Variants in MYH9 observed in about 807,000 individuals in gnomAD.
MYH9 encodes myosin heavy chain 9, also known as myosin-9.
MYH9 carries 29 observed loss-of-function variants against 241.9 expected under a neutral mutation model. The ratio of observed to expected loss-of-function variants is 0.12; its 90% confidence interval spans 0.09 to 0.16. The LOEUF (loss-of-function observed/expected upper bound fraction) is 0.16, where lower values mean the gene tolerates loss of function less well. Ranked by LOEUF, MYH9 falls within the 10% of genes least tolerant of loss-of-function variation. The pLI, the probability that MYH9 is intolerant of heterozygous loss-of-function variation, is 1.00. For synonymous variants in MYH9, 1,047 were observed against 1,062.6 expected, an observed-to-expected ratio of 0.99 and a Z score of 0.29; for missense variants, 1,803 against 2,595.5, an observed-to-expected ratio of 0.69 and a Z score of 6.63.
At chr22:36,359,850 C>T (rs2017910168) in intron 1 of MYH9, among the ~76,000 whole-genome samples, 1 of 152,166 alleles carries the variant, frequency 6.6e-6, no homozygotes, top group Non-Finnish European at 1.5e-5. Context: ...GTGGAAAAAC[C>T]ACAGCCATGT....
intron 1 of MYH9, among the ~76,000 whole-genome samples, chr22:36,353,224 A>G (rs938997104): frequency 2.6e-5 from 4 of 152,042 alleles, no homozygotes; most frequent in African/African-American, 9.7e-5. Context: ...CTCATTTATG[A>G]ATGGGGGATA....
In MYH9 at chr22:36,306,771, T is replaced by G. The variant is rs1045536182; in HGVS notation, c.1844-164A>C. On this transcript the variant is annotated intron_variant, in intron 15 of 40. Coordinates refer to ENST00000216181, the MANE Select transcript of MYH9 (RefSeq NM_002473.6). This position sits in a 1 kb window ranked among gnomAD's most constrained non-coding sequence, Gnocchi z 4.1. Reference sequence around the variant, plus strand: ...GAGCCTACACTGGGTGCTAAGGTCATCCCCAAACACAGCGGGAAGCCAAGG... The same window carrying G: ...GAGCCTACACTGGGTGCTAAGGTCAGCCCCAAACACAGCGGGAAGCCAAGG... 2.0e-5 allele frequency among the ~76,000 whole-genome samples: 3 copies of G among 152,044 alleles called. No individual in the cohort carries two copies. Among genetic ancestry groups the G allele is most frequent in the Non-Finnish European group, 4.4e-5 (3 of 68,000 alleles).
At chr22:36,331,738 G>A (rs1201622896) in intron 3 of MYH9, among the ~76,000 whole-genome samples, 6 of 152,192 alleles carry the variant, frequency 3.9e-5, no homozygotes, top group East Asian at 1.9e-4. Flanking sequence ...CACACCTCCC[G>A]AGGTTCCAGC....
intron 1 of MYH9, among the ~76,000 whole-genome samples, chr22:36,384,304 C>T (rs1307319233): frequency 6.0e-5 from 9 of 148,856 alleles, no homozygotes; most frequent in Non-Finnish European, 1.0e-4. Context: ...ATATATGAGC[C>T]GGGCACGGTG....
Position 36,288,239 on chromosome 22 carries a change from C to T in MYH9, c.4932+13G>A, listed in dbSNP as rs373453112. On this transcript the variant is annotated intron_variant, in intron 34 of 40. Transcript: ENST00000216181. This position sits in a 1 kb window ranked among gnomAD's most constrained non-coding sequence, Gnocchi z 4.8. ...GTGCCGCCCACCCTCACCTGGGCCC[C>T]GCCCACCCTTACCTGCAGCTTCCGC... 2.4e-5 allele frequency: 38 copies of T among 1,613,456 alleles called. No homozygotes were observed. The Middle Eastern group carries it at 5.0e-4, about 21-fold the overall frequency.
intron 5 of MYH9, among the ~76,000 whole-genome samples, chr22:36,323,675 G>A (rs1016712069): frequency 8.5e-5 from 13 of 152,096 alleles, no homozygotes; most frequent in African/African-American, 1.4e-4. Context: ...GAGTCTAGCC[G>A]AGCCAGATTG....
chr22:36,384,809 G>A (rs1363318835), intron 1 of MYH9, among the ~76,000 whole-genome samples: 6 of 151,428 alleles, frequency 4.0e-5, no homozygotes. Context: ...TAAGTAGCAT[G>A]GTCAGGATTT....
intron 1 of MYH9, among the ~76,000 whole-genome samples, chr22:36,386,268 C>A (rs1887394069): frequency 6.6e-6 from 1 of 152,214 alleles, no homozygotes; most frequent in South Asian, 2.1e-4. Context: ...CTCCCACCCC[C>A]CCACCACCTG....
At chr22:36,316,765 C>A (rs1557536) in intron 11 of MYH9, 96 bp from the exon 12 acceptor site, 9 of 1,446,074 alleles carry the variant, frequency 6.2e-6, no homozygotes, top group South Asian at 3.5e-5. Flanking sequence ...GAGTCCTCCC[C>A]CTAGAGGAAC....
chr22:36,323,517 C>G (rs1362714623), intron 5 of MYH9, among the ~76,000 whole-genome samples: 1 of 152,162 alleles, frequency 6.6e-6, no homozygotes. Flanking sequence ...TGGAGGCAAG[C>G]CAGGGTTTTC....
chr22:36,297,536 C>G (rs2016807610), intron 24 of MYH9, among the ~76,000 whole-genome samples: 1 of 152,216 alleles, frequency 6.6e-6, no homozygotes, highest in Non-Finnish European at 1.5e-5. Flanking sequence ...GAGTTACTAT[C>G]TTAAAAAGCA....
intron 1 of MYH9, among the ~76,000 whole-genome samples, chr22:36,376,930 G>T (rs1180189727): frequency 6.6e-6 from 1 of 152,138 alleles, no homozygotes; most frequent in East Asian, 1.9e-4. Context: ...GGGTGTGGTG[G>T]TGCACACCTG....
intron 3 of MYH9, 135 bp from the exon 4 acceptor site, chr22:36,327,623 A>G: frequency 9.8e-7 from 1 of 1,019,996 alleles, no homozygotes; most frequent in Non-Finnish European, 1.5e-6. Flanking sequence ...CTCGCAGTCT[A>G]CCCTCACACC....
At chr22:36,299,166 T>C in intron 23 of MYH9, 124 bp from the exon 24 acceptor site, 2 of 1,304,740 alleles carry the variant, frequency 1.5e-6, no homozygotes, top group Non-Finnish European at 2.2e-6. Context: ...CTTGATCAAG[T>C]TCATTAGGAT....
At position 36,295,200 on chromosome 22, in the gene MYH9, C is replaced by G; in HGVS notation, c.3486-124G>C. On this transcript the variant is annotated intron_variant, in intron 26 of 40. Coordinates refer to ENST00000216181, the MANE Select transcript of MYH9 (RefSeq NM_002473.6). This position sits in a 1 kb window ranked among gnomAD's most constrained non-coding sequence, Gnocchi z 4.1. ...AGGCACTCCAGGCAGCTTTTCTACCCACCGGCCCCTCCTAGCCATCTATCC... is the reference window on the plus strand; with the variant it reads ...AGGCACTCCAGGCAGCTTTTCTACCGACCGGCCCCTCCTAGCCATCTATCC... 7.6e-7 allele frequency: 1 copy of G among 1,313,594 alleles called. No homozygotes were observed. Among genetic ancestry groups the G allele is most frequent in the Non-Finnish European group, 1.1e-6 (1 of 918,398 alleles). The allele number at this position is 1,313,594 out of a possible 1,614,324, so 81.4% of individuals were successfully genotyped here.
At position 36,305,901 on chromosome 22, in the gene MYH9, G is replaced by A. The variant is rs755315676; in HGVS notation, c.2159+29C>T. On this transcript the variant is annotated intron_variant, in intron 17 of 40. Transcript: ENST00000216181. This position sits in a 1 kb window ranked among gnomAD's most constrained non-coding sequence, Gnocchi z 4.7. ...CTCACTGCACGCACAGCAGGGCCCA[G>A]GAGAAGCGGGCTCCGGGCCCTGGCT... 6.2e-7 allele frequency: 1 copy of A among 1,612,104 alleles called. No homozygotes were observed. Among genetic ancestry groups the A allele is most frequent in the African/African-American group, 1.3e-5 (1 of 74,906 alleles).
At chr22:36,314,500 T>C (rs2017118716) in intron 12 of MYH9, among the ~76,000 whole-genome samples, 182 bp from the exon 13 acceptor site, 1 of 152,154 alleles carries the variant, frequency 6.6e-6, no homozygotes, top group African/African-American at 2.4e-5. Context: ...GTGGGCAACA[T>C]TTACTCTTTG....
chr22:36,304,812 G>T (rs1322559797), intron 18 of MYH9, among the ~76,000 whole-genome samples: 1 of 152,236 alleles, frequency 6.6e-6, no homozygotes, highest in Non-Finnish European at 1.5e-5. Context: ...TACAGTTCTT[G>T]TCTCCTCCAC....
At chr22:36,301,846 G>A (rs1179831995) in intron 20 of MYH9, 181 bp from the exon 21 acceptor site, 6 of 713,442 alleles carry the variant, frequency 8.4e-6, no homozygotes, top group Admixed American at 2.3e-5. Flanking sequence ...CTTCTGACCC[G>A]CTAACTACAT....
Sources: allele counts gnomAD v4.1 joint callset (sites outside exome capture counted in the v4.1 genomes callset), GRCh38; gene constraint gnomAD v4.1.1; non-coding constraint Gnocchi (gnomAD v3.1); transcripts MANE v1.5; gene names NCBI Gene and HGNC (gene_info 2026-07-23, HGNC 2026-07-21).